Variants in DLG2 observed in about 807,000 individuals in gnomAD.
DLG2 encodes the protein disks large homolog 2.
DLG2 carries 45 observed loss-of-function variants against 132.5 expected under a neutral mutation model. That is an observed-to-expected ratio of 0.34 (90% confidence interval 0.27 to 0.44). The LOEUF (loss-of-function observed/expected upper bound fraction) is 0.44, where lower values mean the gene tolerates loss of function less well. DLG2 is among the 20% of genes least tolerant of loss of function. The probability of loss-of-function intolerance (pLI) is 1.00; values close to 1 mark genes in which losing one functional copy is unlikely to be tolerated. For missense variants in DLG2, 1,045 were observed against 1,196.9 expected, an observed-to-expected ratio of 0.87 and a Z score of 1.87; for synonymous variants, 424 against 419.6, an observed-to-expected ratio of 1.01 and a Z score of -0.13.
intron 6 of DLG2, among the ~76,000 whole-genome samples, chr11:85,029,581 C>T (rs1018347324): frequency 1.1e-4 from 17 of 152,210 alleles, no homozygotes; most frequent in Admixed American, 6.5e-4. Flanking sequence ...TATTAGGCCC[C>T]TCCAATGTGT....
chr11:85,106,349 C>A (rs1053044956), intron 6 of DLG2, among the ~76,000 whole-genome samples: 12 of 151,944 alleles, frequency 7.9e-5, no homozygotes, highest in Non-Finnish European at 7.4e-5. Context: ...ATATGACACT[C>A]CTATGTCATC....
At chr11:84,931,471 T>A (rs956947894) in intron 6 of DLG2, among the ~76,000 whole-genome samples, 3 of 152,186 alleles carry the variant, frequency 2.0e-5, no homozygotes, top group Non-Finnish European at 4.4e-5. Flanking sequence ...TCCAGCTCCA[T>A]CCATGTTCCT....
At chr11:85,323,865 G>A (rs775274758) in intron 3 of DLG2, among the ~76,000 whole-genome samples, 18 of 152,318 alleles carry the variant, frequency 1.2e-4, no homozygotes, top group Non-Finnish European at 1.9e-4. Context: ...ATATTCCACT[G>A]TGAATATATA....
chr11:85,612,193 G>A (rs999992379), intron 2 of DLG2, among the ~76,000 whole-genome samples: 1 of 152,186 alleles, frequency 6.6e-6, no homozygotes, highest in Non-Finnish European at 1.5e-5. Context: ...CCACCTTGTT[G>A]TCAGTGTCAA....
chr11:84,005,376 G>A (rs1022232329), intron 11 of DLG2, among the ~76,000 whole-genome samples: 1 of 151,788 alleles, frequency 6.6e-6, no homozygotes, highest in Non-Finnish European at 1.5e-5. Context: ...TAAATGGAAG[G>A]CCTGAAATTA....
chr11:83,851,743 A>T (rs886393986), intron 16 of DLG2, among the ~76,000 whole-genome samples: 1 of 149,198 alleles, frequency 6.7e-6, no homozygotes, highest in African/African-American at 2.5e-5. Context: ...AAATTGGTAA[A>T]ACCCTATCTC....
intron 4 of DLG2, among the ~76,000 whole-genome samples, chr11:85,276,126 T>C (rs1410330381): frequency 6.6e-6 from 1 of 152,164 alleles, no homozygotes; most frequent in African/African-American, 2.4e-5. Context: ...TACATTCTGA[T>C]TATCAAGTTA....
intron 7 of DLG2, among the ~76,000 whole-genome samples, chr11:84,338,188 A>G (rs1204979953): frequency 6.6e-6 from 1 of 152,214 alleles, no homozygotes. Context: ...CAGCACCCAC[A>G]TGAATCTAAC....
At chr11:84,407,391 G>C (rs1212877133) in intron 7 of DLG2, among the ~76,000 whole-genome samples, 1 of 152,034 alleles carries the variant, frequency 6.6e-6, no homozygotes, top group African/African-American at 2.4e-5. Flanking sequence ...TCCTACTGTG[G>C]CCACTATCTC....
intron 6 of DLG2, among the ~76,000 whole-genome samples, chr11:84,723,524 G>A (rs1162426105): frequency 6.6e-6 from 1 of 152,000 alleles, no homozygotes; most frequent in Non-Finnish European, 1.5e-5. Flanking sequence ...ATAACTCTGG[G>A]GTAAATTGGA....
chr11:85,395,083 C>T (rs902229490), intron 3 of DLG2, among the ~76,000 whole-genome samples: 1 of 152,182 alleles, frequency 6.6e-6, no homozygotes, highest in Non-Finnish European at 1.5e-5. Flanking sequence ...TACTGACAAA[C>T]TGGATTTGTC....
chr11:84,690,207 T>C (rs572455560), intron 6 of DLG2, among the ~76,000 whole-genome samples: 172 of 152,070 alleles, frequency 1.1e-3, no homozygotes, highest in African/African-American at 3.9e-3. Context: ...CAGTTTTAGA[T>C]ATTTATTGCA....
chr11:84,972,947 TG>T (rs1469701596), intron 6 of DLG2, among the ~76,000 whole-genome samples: 3 of 146,562 alleles, frequency 2.0e-5, no homozygotes, highest in South Asian at 4.6e-4. Context: ...CTCAGTTTTT[TG>T]GGTTTTTTTT....
chr11:84,728,769 C>A (rs1308949579), intron 6 of DLG2, among the ~76,000 whole-genome samples: 3 of 152,124 alleles, frequency 2.0e-5, no homozygotes, highest in Non-Finnish European at 4.4e-5. Flanking sequence ...AATTTCAGAA[C>A]TTGTTATTGG....
In DLG2 at chr11:83,833,849, A is replaced by G. The variant is rs969851727; in HGVS notation, c.1566-79T>C. On this transcript the variant is annotated intron_variant, in intron 16 of 27. Transcript: ENST00000376104. ...GTTGCTTTTACTTTCAATGGGATAT[A>G]TGATATCAGCAACTCACTACTTGTA... 2.8e-6 allele frequency: 4 copies of G among 1,428,952 alleles called. No homozygotes were observed. In the Admixed American group the frequency reaches 6.3e-5, roughly 23 times the overall value. The allele number at this position is 1,428,952 out of a possible 1,614,324, so 88.5% of individuals were successfully genotyped here.
intron 6 of DLG2, among the ~76,000 whole-genome samples, chr11:85,033,386 CAAAAA>C (rs750024023): frequency 2.5e-5 from 2 of 80,878 alleles, no homozygotes; most frequent in Admixed American, 1.3e-4. Context: ...TATATCCTAG[CAAAAA>C]AAAAAAAAAA....
intron 18 of DLG2, among the ~76,000 whole-genome samples, chr11:83,693,449 G>T (rs753300733): frequency 2.0e-5 from 3 of 152,080 alleles, no homozygotes; most frequent in Non-Finnish European, 4.4e-5. Flanking sequence ...CAATCAAACC[G>T]TGCATAGCAG....
intron 3 of DLG2, among the ~76,000 whole-genome samples, chr11:85,499,118 T>C (rs1160745198): frequency 6.6e-6 from 1 of 151,702 alleles, no homozygotes; most frequent in Non-Finnish European, 1.5e-5. Flanking sequence ...CTGTAGGAAG[T>C]AGAGAAACAA....
intron 3 of DLG2, among the ~76,000 whole-genome samples, chr11:85,438,082 G>GGGGGATGA (rs1426658098): frequency 6.6e-6 from 1 of 152,184 alleles, no homozygotes; most frequent in African/African-American, 2.4e-5. Context: ...GGAAGGCCAA[G>GGGGGATGA]GGGGATGAGG....
Sources: allele counts gnomAD v4.1 joint callset (sites outside exome capture counted in the v4.1 genomes callset), GRCh38; gene constraint gnomAD v4.1.1; transcripts MANE v1.5; gene names NCBI Gene and HGNC (gene_info 2026-07-23, HGNC 2026-07-21).